Variants in HECW2 observed in about 807,000 individuals in gnomAD.
HECW2 encodes HECT, C2 and WW domain containing E3 ubiquitin protein ligase 2.
Under a neutral mutation model 175.2 loss-of-function variants are expected in HECW2, and 61 were observed. That is an observed-to-expected ratio of 0.35 (90% CI 0.28 to 0.43). The LOEUF is 0.43. HECW2 is among the 20% of genes least tolerant of loss of function. The probability of loss-of-function intolerance (pLI) is 1.00; values close to 1 mark genes in which losing one functional copy is unlikely to be tolerated. For synonymous variants in HECW2, 671 were observed against 731.0 expected (o/e 0.92, Z 1.32); for missense variants, 1,524 against 2,000.5 (o/e 0.76, Z 4.54).
At chr2:196,485,434 G>A (rs1026466680) in intron 1 of HECW2, among the ~76,000 whole-genome samples, 1 of 152,226 alleles carries the variant, frequency 6.6e-6, no homozygotes, top group African/African-American at 2.4e-5. Flanking sequence ...GGACGACCAA[G>A]ATCAAGGTCC....
rs912801943 is a variant in HECW2, at chr2:196,329,455, C to G, written c.571+120G>C. ...TACTTGAATTTTCAGAAGTATGACC[C>G]CCCAAAACTAGTTCACATATCATCA... On this transcript the variant is annotated intron_variant, in intron 5 of 28. Coordinates refer to ENST00000644978, the MANE Select transcript of HECW2 (RefSeq NM_001348768.2). 1.5e-5 allele frequency: 10 copies of G among 654,698 alleles called. No individual in the cohort carries two copies. In the East Asian group the frequency reaches 2.7e-4, roughly 18 times the overall value. 40.6% of individuals were successfully genotyped at this position (654,698 alleles called of 1,614,324 possible).
chr2:196,255,124 C>T (rs1689006906), intron 18 of HECW2, among the ~76,000 whole-genome samples: 1 of 149,272 alleles, frequency 6.7e-6, no homozygotes, highest in Non-Finnish European at 1.5e-5. Context: ...AGGTGCGAGT[C>T]ACCACGTTCA....
At chr2:196,369,107 C>T (rs1033558262) in intron 2 of HECW2, among the ~76,000 whole-genome samples, 1 of 152,014 alleles carries the variant, frequency 6.6e-6, no homozygotes. Context: ...CTTGTTTGTG[C>T]CTGTCTTTCT....
chr2:196,380,445 C>G (rs1038667107), intron 2 of HECW2, among the ~76,000 whole-genome samples: 1 of 152,202 alleles, frequency 6.6e-6, no homozygotes, highest in Non-Finnish European at 1.5e-5. Context: ...ACATCTCTTT[C>G]TCTATATTGT....
intron 1 of HECW2, among the ~76,000 whole-genome samples, chr2:196,585,713 T>G (rs1575700181): frequency 6.7e-6 from 1 of 149,990 alleles, no homozygotes; most frequent in Non-Finnish European, 1.5e-5. Flanking sequence ...GAGGAAAAAA[T>G]GGAGGGAGGA....
At position 196,201,149 on chromosome 2, in the gene HECW2, T is replaced by C. The variant is rs1312952493; in HGVS notation, c.*128A>G. 1.2e-5 allele frequency: 8 copies of C among 673,986 alleles called. No homozygotes were observed. Among genetic ancestry groups the C allele is most frequent in the Non-Finnish European group, 2.2e-5 (8 of 371,952 alleles). The allele number at this position is 673,986 out of a possible 1,614,324, so 41.8% of individuals were successfully genotyped here. On this transcript the variant is annotated 3_prime_UTR_variant, in exon 29 of 29. Transcript: ENST00000644978. ...CCAAATGTGACAGAGCACTTGTTCCTGGAAAACAACAGCACATAGCTTTAT... is the reference window on the plus strand; with the variant it reads ...CCAAATGTGACAGAGCACTTGTTCCCGGAAAACAACAGCACATAGCTTTAT...
chr2:196,535,726 T>C (rs528991310), intron 1 of HECW2, among the ~76,000 whole-genome samples: 88 of 152,324 alleles, frequency 5.8e-4, no homozygotes, highest in African/African-American at 2.0e-3. Flanking sequence ...AGAGGTGCTA[T>C]GAGTTCAAAA....
intron 1 of HECW2, among the ~76,000 whole-genome samples, chr2:196,570,549 T>C (rs1690347538): frequency 6.6e-6 from 1 of 152,050 alleles, no homozygotes; most frequent in African/African-American, 2.4e-5. Context: ...CCGGGGCCTG[T>C]CATGGGGTAG....
chr2:196,394,309 AAAAAG>A (rs1393058788), intron 2 of HECW2, among the ~76,000 whole-genome samples: 1 of 152,228 alleles, frequency 6.6e-6, no homozygotes, highest in Non-Finnish European at 1.5e-5. Flanking sequence ...ATTAAAAATA[AAAAAG>A]AAAAGAAAAT....
intron 1 of HECW2, among the ~76,000 whole-genome samples, chr2:196,547,081 T>C (rs1689450155): frequency 6.6e-6 from 1 of 152,214 alleles, no homozygotes; most frequent in African/African-American, 2.4e-5. Context: ...GGCTACTGTC[T>C]CTTAAAGTTT....
At chr2:196,207,892 A>C (rs1460874598) in intron 28 of HECW2, among the ~76,000 whole-genome samples, 1 of 152,240 alleles carries the variant, frequency 6.6e-6, no homozygotes, top group African/African-American at 2.4e-5. Context: ...TGGGGTAACT[A>C]GCAGAAGAAA....
At chr2:196,204,251 T>C (rs1346168190) in intron 28 of HECW2, among the ~76,000 whole-genome samples, 5 of 152,352 alleles carry the variant, frequency 3.3e-5, no homozygotes, top group Admixed American at 6.5e-5. Context: ...GCATTTTTCA[T>C]AGTGGCTGCA....
At chr2:196,459,687 C>T (rs1228459211) in intron 1 of HECW2, among the ~76,000 whole-genome samples, 1 of 152,286 alleles carries the variant, frequency 6.6e-6, no homozygotes, top group East Asian at 1.9e-4. Context: ...ACCGCCCCTC[C>T]TTTTTGTGGT....
At chr2:196,278,473 A>G in intron 15 of HECW2, 55 bp downstream of exon 15, 1 of 1,557,298 alleles carries the variant, frequency 6.4e-7, no homozygotes, top group Non-Finnish European at 8.7e-7. Context: ...TCAAACCATC[A>G]CATACTAGAA....
intron 15 of HECW2, among the ~76,000 whole-genome samples, chr2:196,277,625 G>A (rs1690007541): frequency 6.6e-6 from 1 of 151,924 alleles, no homozygotes; most frequent in African/African-American, 2.4e-5. Context: ...CCCATTACTG[G>A]GTATATACCC....
intron 2 of HECW2, among the ~76,000 whole-genome samples, chr2:196,346,039 TAA>T (rs1187687754): frequency 6.6e-6 from 1 of 152,226 alleles, no homozygotes; most frequent in Non-Finnish European, 1.5e-5. Context: ...GGAAATTTCC[TAA>T]AAACGTTGTT....
intron 7 of HECW2, 138 bp downstream of exon 7, chr2:196,322,340 T>G (rs1022560012): frequency 1.6e-6 from 1 of 615,860 alleles, no homozygotes; most frequent in African/African-American, 1.9e-5. Context: ...TTAATAAGTG[T>G]AAGGACACTT....
intron 14 of HECW2, among the ~76,000 whole-genome samples, chr2:196,282,572 T>C (rs1471740673): frequency 6.6e-6 from 1 of 152,180 alleles, no homozygotes; most frequent in Non-Finnish European, 1.5e-5. Flanking sequence ...TTCTAGGTCA[T>C]AGGGAGATTC....
intron 1 of HECW2, among the ~76,000 whole-genome samples, chr2:196,491,369 T>TATACAC (rs1275717195): frequency 2.1e-4 from 27 of 130,666 alleles, no homozygotes; most frequent in Middle Eastern, 3.8e-3. Flanking sequence ...CATATATATA[T>TATACAC]ACACACACAC....
Sources: allele counts gnomAD v4.1 joint callset (sites outside exome capture counted in the v4.1 genomes callset), GRCh38; gene constraint gnomAD v4.1.1; transcripts MANE v1.5; gene names NCBI Gene and HGNC (gene_info 2026-07-23, HGNC 2026-07-21).